MAF: variants seen among roughly 807,000 people sequenced by gnomAD.
MAF encodes the protein MAF bZIP transcription factor, also known as transcription factor Maf.
MAF carries 10 observed loss-of-function variants against 22.0 expected under a neutral mutation model. That is an observed-to-expected ratio of 0.45 (90% CI 0.28 to 0.77). The LOEUF (loss-of-function observed/expected upper bound fraction) is 0.77, where lower values mean the gene tolerates loss of function less well. Ranked by LOEUF, MAF falls within the 30% of genes least tolerant of loss-of-function variation. MAF has a pLI of 0.12. For missense variants in MAF, 544 were observed against 548.4 expected, an observed-to-expected ratio of 0.99 and a Z score of 0.08; for synonymous variants, 337 against 255.8, an observed-to-expected ratio of 1.32 and a Z score of -3.03.
chr16:79,458,666 G>A, the MAF span, among the ~76,000 whole-genome samples: 1 of 152,158 alleles, frequency 6.6e-6, no homozygotes, highest in Admixed American at 6.5e-5. Context: ...ATAAAAAAGT[G>A]GTAATAATGG....
At chr16:79,211,161 G>C in the MAF span, among the ~76,000 whole-genome samples, 2 of 152,076 alleles carry the variant, frequency 1.3e-5, no homozygotes, top group African/African-American at 2.4e-5. Context: ...TTTTCTACCT[G>C]ATGGACCACA....
In MAF at chr16:79,599,178, G is replaced by A. The variant is rs914347699; in HGVS notation, c.725C>T (p.Ala242Val). 9.3e-7 allele frequency: 1 copy of A among 1,073,772 alleles called. No homozygotes were observed. The highest frequency in any genetic ancestry group is 1.2e-6 in the Non-Finnish European group (1 of 856,652). The allele number at this position is 1,073,772 out of a possible 1,614,324, so 66.5% of individuals were successfully genotyped here. A position where few individuals can be genotyped will look rare whatever the true frequency, so the allele number is the denominator to read the frequency against. ...GGGGGGGAAG[A>V]GGALHPHHAA... ...GTGGTGCGGGTGCAGGGCGCCCCCC[G>A]CCCCCGCCGCGCCCCCGCCGCCTCC... The change falls in exon 1 of 2, where the codon GCG becomes GTG. Residue 242 changes from alanine to valine, a missense_variant. This residue lies in a region of MAF where 342 missense variants were observed against 315.5 expected (regional missense o/e 1.08). Transcript: ENST00000326043.
the MAF span, among the ~76,000 whole-genome samples, chr16:79,476,054 T>C: frequency 1.3e-5 from 2 of 152,174 alleles, no homozygotes; most frequent in Admixed American, 6.5e-5. Flanking sequence ...CCTAACCAGG[T>C]GATGGCTTGG....
At chr16:79,585,302 C>T (rs538776540), downstream of MAF, among the ~76,000 whole-genome samples, 3 of 152,232 alleles carry the variant, frequency 2.0e-5, no homozygotes, top group Non-Finnish European at 4.4e-5. Context: ...CCCCTTCTTC[C>T]TTGTATTGAA....
chr16:79,401,100 C>G, the MAF span, among the ~76,000 whole-genome samples: 8 of 152,332 alleles, frequency 5.3e-5, no homozygotes, highest in East Asian at 1.2e-3. Flanking sequence ...TTGCCCCTCA[C>G]CATCTCCCAA....
the MAF span, among the ~76,000 whole-genome samples, chr16:79,405,109 C>T: frequency 6.6e-6 from 1 of 152,180 alleles, no homozygotes; most frequent in Non-Finnish European, 1.5e-5. Context: ...CGAATACTCC[C>T]ATATGCAGCA....
chr16:79,444,916 A>C, the MAF span, among the ~76,000 whole-genome samples: 2 of 152,234 alleles, frequency 1.3e-5, no homozygotes, highest in African/African-American at 4.8e-5. Flanking sequence ...TTAAAAGGAC[A>C]CCCAACAGAT....
chr16:79,467,945 G>A, the MAF span, among the ~76,000 whole-genome samples: 5 of 151,714 alleles, frequency 3.3e-5, no homozygotes, highest in Non-Finnish European at 4.4e-5. Flanking sequence ...GTCGTGGGGG[G>A]GTGGTTGTGG....
chr16:79,325,070 A>G, the MAF span, among the ~76,000 whole-genome samples: 1 of 152,058 alleles, frequency 6.6e-6, no homozygotes, highest in Non-Finnish European at 1.5e-5. Flanking sequence ...TTGGAATTAG[A>G]GCCTAACCCA....
chr16:79,506,896 T>A, the MAF span, among the ~76,000 whole-genome samples: 1 of 152,094 alleles, frequency 6.6e-6, no homozygotes, highest in East Asian at 1.9e-4. Context: ...TGGACAAAAA[T>A]AAAGGGTTGA....
chr16:79,549,835 T>C, the MAF span, among the ~76,000 whole-genome samples: 35 of 152,296 alleles, frequency 2.3e-4, no homozygotes, highest in African/African-American at 7.7e-4. Context: ...ATTTCCATAA[T>C]GGCACCTTAT....
the MAF span, among the ~76,000 whole-genome samples, chr16:79,340,937 C>A: frequency 6.6e-5 from 10 of 152,092 alleles, no homozygotes; most frequent in Admixed American, 6.5e-4. Context: ...GATAGCAAGA[C>A]AGAGGAAGAT....
At chr16:79,421,407 G>T in the MAF span, among the ~76,000 whole-genome samples, 1 of 152,098 alleles carries the variant, frequency 6.6e-6, no homozygotes, top group African/African-American at 2.4e-5. Flanking sequence ...CCTGGCAACC[G>T]CTGATCTTTT....
chr16:79,276,558 G>T, the MAF span, among the ~76,000 whole-genome samples: 1 of 152,156 alleles, frequency 6.6e-6, no homozygotes, highest in African/African-American at 2.4e-5. Context: ...ACCAAACCAG[G>T]CTGAGATGGG....
the MAF span, among the ~76,000 whole-genome samples, chr16:79,350,515 C>G: frequency 6.6e-6 from 1 of 152,196 alleles, no homozygotes; most frequent in Non-Finnish European, 1.5e-5. Flanking sequence ...TTCCAGCCCC[C>G]TTTGCAGTTA....
chr16:79,343,328 C>CTGACTTGAGCAT, the MAF span, among the ~76,000 whole-genome samples: 3 of 152,064 alleles, frequency 2.0e-5, no homozygotes, highest in East Asian at 5.8e-4. Flanking sequence ...AAGAGGACTT[C>CTGACTTGAGCAT]CTATGTTAGC....
At chr16:79,227,999 G>A in the MAF span, among the ~76,000 whole-genome samples, 4 of 152,144 alleles carry the variant, frequency 2.6e-5, no homozygotes, top group Admixed American at 6.6e-5. Context: ...GAACTCCTGC[G>A]CTCAAGCGAT....
the MAF span, among the ~76,000 whole-genome samples, chr16:79,368,680 C>T: frequency 2.9e-3 from 443 of 152,306 alleles, no homozygotes; most frequent in Non-Finnish European, 3.8e-3. Context: ...CTTCACTCTG[C>T]TCACTTCAAT....
the MAF span, among the ~76,000 whole-genome samples, chr16:79,386,527 C>G: frequency 2.0e-5 from 3 of 152,286 alleles, no homozygotes; most frequent in Admixed American, 1.3e-4. Flanking sequence ...CACCCACGCA[C>G]AGCTCACCTC....
Sources: allele counts gnomAD v4.1 joint callset (sites outside exome capture counted in the v4.1 genomes callset), GRCh38; gene constraint gnomAD v4.1.1; regional missense constraint gnomAD v4.1.1; transcripts MANE v1.5; gene names NCBI Gene and HGNC (gene_info 2026-07-23, HGNC 2026-07-21).